SLC25A27: variants seen among roughly 807,000 people sequenced by gnomAD.
SLC25A27 encodes solute carrier family 25 member 27, also known as mitochondrial uncoupling protein 4.
SLC25A27 carries 35 observed loss-of-function variants against 49.1 expected under a neutral mutation model. That is an observed-to-expected ratio of 0.71 (90% CI 0.54 to 0.95). SLC25A27 has a LOEUF of 0.95. SLC25A27 is among the 40% of genes least tolerant of loss of function. The pLI, the probability that SLC25A27 is intolerant of heterozygous loss-of-function variation, is 0.00. For missense variants in SLC25A27, 339 were observed against 397.1 expected (o/e 0.85, Z 1.24); for synonymous variants, 144 against 136.9 (o/e 1.05, Z -0.36).
chr6:46,659,337 G>A (rs967529225), intron 3 of SLC25A27, among the ~76,000 whole-genome samples: 2 of 152,152 alleles, frequency 1.3e-5, no homozygotes, highest in Admixed American at 6.5e-5. Flanking sequence ...TTTAGAGTCA[G>A]ACAGGGATGG....
At chr6:46,658,443 G>A (rs1184778982) in intron 2 of SLC25A27, 20 of 418,740 alleles carry the variant, frequency 4.8e-5, no homozygotes, top group Admixed American at 2.9e-4. Flanking sequence ...CATTTCATAC[G>A]TTTGATGCTT....
At chr6:46,665,789 A>T (rs1053618287) in intron 5 of SLC25A27, among the ~76,000 whole-genome samples, 1 of 152,206 alleles carries the variant, frequency 6.6e-6, no homozygotes, top group Non-Finnish European at 1.5e-5. Flanking sequence ...CCGCTGGACC[A>T]CTGCCACAGC....
intron 8 of SLC25A27, among the ~76,000 whole-genome samples, chr6:46,675,383 A>G (rs546014375): frequency 2.6e-5 from 4 of 152,196 alleles, no homozygotes; most frequent in South Asian, 2.1e-4. Context: ...AGAATATGGT[A>G]TCATCGTAGC....
intron 8 of SLC25A27, among the ~76,000 whole-genome samples, chr6:46,672,552 C>T (rs1185647059): frequency 6.6e-6 from 1 of 152,080 alleles, no homozygotes; most frequent in African/African-American, 2.4e-5. Context: ...GGAATAGAAA[C>T]ATGACTGATT....
intron 2 of SLC25A27, among the ~76,000 whole-genome samples, chr6:46,657,745 C>T (rs1763034733): frequency 6.6e-6 from 1 of 152,170 alleles, no homozygotes; most frequent in Non-Finnish European, 1.5e-5. Flanking sequence ...TGCCAAATCT[C>T]ATGAGTCCCT....
At chr6:46,670,832 G>GGT (rs1238844252) in intron 7 of SLC25A27, among the ~76,000 whole-genome samples, 2 of 152,206 alleles carry the variant, frequency 1.3e-5, no homozygotes, top group South Asian at 4.1e-4. Flanking sequence ...CCGCCTCCCA[G>GGT]GTTCAAGCCA....
In SLC25A27 at chr6:46,664,856, A is replaced by G; in HGVS notation, c.589A>G (p.Ile197Val). 6.2e-7 allele frequency: 1 copy of G among 1,606,098 alleles called. No individual in the cohort carries two copies. The highest frequency in any genetic ancestry group is 8.5e-7 in the Non-Finnish European group (1 of 1,175,668). ...RGLWAGWVPN[I>V]QRAALVNMGD... ...GCTTTGGGCAGGCTGGGTACCCAAT[A>G]TACAAAGAGCAGCACTGGTGAATAT... Residue 197 changes from isoleucine (I) to valine (V), a missense_variant, in exon 5 of 9, where the codon ATA becomes GTA. Coordinates refer to ENST00000371347, the MANE Select transcript of SLC25A27 (RefSeq NM_004277.5).
At chr6:46,653,387 G>C in intron 1 of SLC25A27, 89 bp downstream of exon 1, 6 of 1,469,674 alleles carry the variant, frequency 4.1e-6, no homozygotes, top group Non-Finnish European at 5.4e-6. Context: ...GCCCGGCAGT[G>C]CGCATCGGAG....
At chr6:46,667,948 T>C (rs1763374965) in intron 5 of SLC25A27, among the ~76,000 whole-genome samples, 1 of 152,252 alleles carries the variant, frequency 6.6e-6, no homozygotes, top group South Asian at 2.1e-4. Context: ...CATTACAACT[T>C]ACTTCCCCAT....
intron 1 of SLC25A27, chr6:46,653,548 C>CTTA: frequency 1.0e-6 from 1 of 985,444 alleles, no homozygotes; most frequent in Non-Finnish European, 1.2e-6. Flanking sequence ...GAATGTTGTA[C>CTTA]TTTAAGAAGC....
At chr6:46,676,257 C>T (rs750313386) in intron 8 of SLC25A27, 126 bp from the exon 9 acceptor site, 6 of 772,716 alleles carry the variant, frequency 7.8e-6, no homozygotes, top group South Asian at 2.3e-5. Flanking sequence ...GGTGAAATAC[C>T]AAAATATTTG....
chr6:46,657,689 T>C (rs1763032649), intron 2 of SLC25A27, among the ~76,000 whole-genome samples: 1 of 152,220 alleles, frequency 6.6e-6, no homozygotes, highest in African/African-American at 2.4e-5. Context: ...AAACACAGAA[T>C]TTAAATTTTT....
At chr6:46,658,780 G>C (rs1277533113) in intron 2 of SLC25A27, 182 bp from the exon 3 acceptor site, 1 of 609,812 alleles carries the variant, frequency 1.6e-6, no homozygotes. Flanking sequence ...AGTCTGAAAA[G>C]AGCATGCCCC....
chr6:46,663,635 T>TC lies in SLC25A27; in HGVS notation c.507-1135dup, dbSNP rs368848902. On this transcript the variant is annotated intron_variant, in intron 4 of 8. Coordinates refer to ENST00000371347, the MANE Select transcript of SLC25A27 (RefSeq NM_004277.5). Reference sequence around the variant, plus strand: ...TTTTTAACTGATCACTCAGTTTTTTTCCCCTCTTTGTTCTTAATGTTGGAA... The same window carrying TC: ...TTTTTAACTGATCACTCAGTTTTTTTCCCCCTCTTTGTTCTTAATGTTGGAA... Among the ~76,000 whole-genome samples, 4 of 152,196 alleles carry TC rather than the reference T, an allele frequency of 2.6e-5. 1 individual carries two copies. In the South Asian group the frequency reaches 8.3e-4, roughly 32 times the overall value.
intron 8 of SLC25A27, among the ~76,000 whole-genome samples, chr6:46,673,802 G>A (rs1219835554): frequency 6.6e-6 from 1 of 152,174 alleles, no homozygotes; most frequent in African/African-American, 2.4e-5. Flanking sequence ...CGGGAACAAT[G>A]TGCTAAGGTT....
chr6:46,665,640 C>G (rs111705825), intron 5 of SLC25A27, among the ~76,000 whole-genome samples: 1 of 151,878 alleles, frequency 6.6e-6, no homozygotes, highest in African/African-American at 2.4e-5. Context: ...GAGCTGAGAT[C>G]GCGCCACTGT....
At chr6:46,653,355 G>A in intron 1 of SLC25A27, 57 bp downstream of exon 1, 1 of 1,542,338 alleles carries the variant, frequency 6.5e-7, no homozygotes, top group Non-Finnish European at 8.7e-7. Flanking sequence ...CGCGCTGGGG[G>A]AGGGTGCGCG....
In SLC25A27 at chr6:46,678,030, T is replaced by TTTTATATATATA. The variant is rs1763860534; in HGVS notation, c.*1577_*1578insTTATATATATAT. 3.0e-5 allele frequency: 3 copies of TTTTATATATATA among 100,668 alleles called. No individual in the cohort carries two copies. Among genetic ancestry groups the TTTTATATATATA allele is most frequent in the African/African-American group, 7.9e-5 (2 of 25,284 alleles). 6.2% of individuals were successfully genotyped at this position (100,668 alleles called of 1,614,324 possible). On this transcript the variant is annotated 3_prime_UTR_variant, in exon 9 of 9. Transcript: ENST00000371347. The stretch of plus-strand genomic sequence containing the variant: ...CAATATGTAATTGCGTTGTAAAATA[T>TTTTATATATATA]TATATATATATATATATATATATAT...
intron 3 of SLC25A27, among the ~76,000 whole-genome samples, chr6:46,660,655 G>T (rs1382302184): frequency 6.6e-6 from 1 of 151,968 alleles, no homozygotes; most frequent in Non-Finnish European, 1.5e-5. Flanking sequence ...GCATGAGGTG[G>T]GTTTCATATG....
Sources: gnomAD v4.1 joint callset for allele counts (sites outside exome capture counted in the v4.1 genomes callset) on GRCh38, gnomAD v4.1.1 for gene constraint, MANE v1.5 for transcripts, NCBI Gene and HGNC (gene_info 2026-07-23, HGNC 2026-07-21) for gene names.